Variants in HMCN1 observed in about 807,000 individuals in gnomAD.
HMCN1 encodes the protein hemicentin-1.
In HMCN1, 321 loss-of-function variants were observed where a neutral mutation model predicts 625.9. The ratio of observed to expected loss-of-function variants is 0.51; its 90% CI spans 0.47 to 0.56. The LOEUF (loss-of-function observed/expected upper bound fraction) is 0.56. Among genes scored for constraint, HMCN1 ranks in the 20% least tolerant of loss-of-function variants. The pLI, the probability that HMCN1 is intolerant of heterozygous loss-of-function variation, is 0.00. For synonymous variants in HMCN1, 2,425 were observed against 2,417.6 expected, an observed-to-expected ratio of 1.00 and a Z score of -0.09; for missense variants, 6,588 against 6,887.3, an observed-to-expected ratio of 0.96 and a Z score of 1.54.
chr1:186,146,926 C>T (rs1650351193), intron 93 of HMCN1, among the ~76,000 whole-genome samples: 1 of 152,180 alleles, frequency 6.6e-6, no homozygotes, highest in Non-Finnish European at 1.5e-5. Context: ...AGCACTGGGA[C>T]TCAAGTCCCT....
chr1:185,841,008 A>G (rs1182825407), intron 1 of HMCN1, among the ~76,000 whole-genome samples: 1 of 152,206 alleles, frequency 6.6e-6, no homozygotes, highest in Non-Finnish European at 1.5e-5. Flanking sequence ...CTGTAAGTGG[A>G]AAGGAAAAAG....
At chr1:185,987,348 T>C (rs1405057742) in intron 19 of HMCN1, 84 bp from the exon 20 acceptor site, 1 of 842,346 alleles carries the variant, frequency 1.2e-6, no homozygotes, top group African/African-American at 1.7e-5. Flanking sequence ...ACATTGATGT[T>C]GTAATGAAAA....
chr1:185,739,747 G>A (rs891170419), intron 1 of HMCN1, among the ~76,000 whole-genome samples: 4 of 151,796 alleles, frequency 2.6e-5, no homozygotes, highest in Non-Finnish European at 4.4e-5. Flanking sequence ...AGTGACACAG[G>A]CAAAAAAGAA....
chr1:185,762,468 T>G (rs1007288535), intron 1 of HMCN1, among the ~76,000 whole-genome samples: 3 of 152,196 alleles, frequency 2.0e-5, no homozygotes, highest in African/African-American at 4.8e-5. Context: ...GCTTGTGTTA[T>G]TTTAGCTTAA....
Position 185,923,478 on chromosome 1 carries a change from T to A in HMCN1, c.1110T>A (p.Ser370Arg). 1 of 1,610,656 alleles carries A rather than the reference T, an allele frequency of 6.2e-7. No homozygotes were observed. The highest frequency in any genetic ancestry group is 1.7e-5 in the Admixed American group (1 of 60,008). ...DLLELLSISGSSLKTIPVKYY... is the reference protein window; with the variant it reads ...DLLELLSISGRSLKTIPVKYY... ...TTGAACTTTTGAGTATCTCAGGAAGTTCTCTTAAGACTATTCCTGTTAAAT... is the reference window on the plus strand; with the variant it reads ...TTGAACTTTTGAGTATCTCAGGAAGATCTCTTAAGACTATTCCTGTTAAAT... Residue 370 changes from serine to arginine, a missense_variant, in exon 8 of 107, where the codon AGT becomes AGA. Ser to Arg is a moderately radical substitution (Grantham distance 110). Coordinates refer to ENST00000271588, the MANE Select transcript of HMCN1 (RefSeq NM_031935.3).
rs1209646557 is a variant in HMCN1 at position 186,153,768 on chromosome 1, A to G, written c.15037A>G (p.Ile5013Val). ...TCCTTAGGATTACACAGAGGACTAC[A>G]TTCAAACAGGTCCTGGGCAGCTGTA... ...VTVKDYTEDYIQTGPGQLYAY... is the reference protein window; with the variant it reads ...VTVKDYTEDYVQTGPGQLYAY... Residue 5013 changes from isoleucine to valine, a missense_variant, in exon 97 of 107, where the codon ATT becomes GTT. Ile to Val is a conservative substitution (Grantham distance 29). This residue lies in a region of HMCN1 where 1,954 missense variants were observed against 2,013.1 expected (regional missense o/e 0.97). Transcript: ENST00000271588. 6.2e-7 allele frequency: 1 copy of G among 1,614,102 alleles called. No individual in the cohort carries two copies. Among genetic ancestry groups the G allele is most frequent in the Non-Finnish European group, 8.5e-7 (1 of 1,179,978 alleles).
chr1:185,871,935 T>C (rs937455264), intron 4 of HMCN1, among the ~76,000 whole-genome samples: 2 of 152,192 alleles, frequency 1.3e-5, no homozygotes, highest in Non-Finnish European at 2.9e-5. Flanking sequence ...ATTTTGTTTT[T>C]CCCCATTCCT....
chr1:186,099,659 A>G (rs1660299778), intron 68 of HMCN1, among the ~76,000 whole-genome samples: 1 of 152,088 alleles, frequency 6.6e-6, no homozygotes, highest in Non-Finnish European at 1.5e-5. Flanking sequence ...ATTCTGTGGG[A>G]TGGTAGATTT....
rs780809105 is a variant in HMCN1 at position 186,137,601 on chromosome 1, C to G, written c.13686C>G (p.Ala4562=). ...GTCTGTGCAACCAGCCCCTTCCAGC[C>G]AATGGTGGGAAGCCCTGCCAAGGTT... is the stretch of plus-strand genomic sequence containing the variant. ...RSRLCNQPLP[A]NGGKPCQGSD... is the part of the protein sequence containing the mutation. Residue 4562 remains alanine (A), a synonymous_variant, in exon 88 of 107, where the codon GCC becomes GCG. Coordinates refer to ENST00000271588, the MANE Select transcript of HMCN1 (RefSeq NM_031935.3). The G allele has an allele frequency of 8.7e-6, 14 of 1,613,896 alleles. No individual in the cohort carries two copies. The highest frequency in any genetic ancestry group is 1.3e-5 in the African/African-American group (1 of 74,916).
intron 36 of HMCN1, among the ~76,000 whole-genome samples, chr1:186,030,443 C>T (rs756435827): frequency 4.1e-4 from 63 of 152,096 alleles, no homozygotes; most frequent in Middle Eastern, 6.8e-3. Context: ...TAAAGTCCTA[C>T]TTTGTTGCCA....
At chr1:186,179,444 G>A (rs1041592354) in intron 104 of HMCN1, among the ~76,000 whole-genome samples, 3 of 152,034 alleles carry the variant, frequency 2.0e-5, no homozygotes, top group African/African-American at 7.3e-5. Context: ...GTTTTCAGTC[G>A]AGTTGCAAAC....
At chr1:185,832,379 A>T (rs1323160500) in intron 1 of HMCN1, among the ~76,000 whole-genome samples, 1 of 152,182 alleles carries the variant, frequency 6.6e-6, no homozygotes, top group Non-Finnish European at 1.5e-5. Context: ...GGGAGTAATG[A>T]TGTGGGACTA....
chr1:186,050,163 TGAGAAAAAAAAGA>T lies in HMCN1; in HGVS notation c.6577+1334_6577+1346del, dbSNP rs562766871. Reference sequence around the variant, plus strand: ...TAGGCTAAGTGTTATCAAGTAAAGATGAGAAAAAAAAGAGAGAAAAAAGAAAAATTAGGAGTGA... The same window carrying T: ...TAGGCTAAGTGTTATCAAGTAAAGATGAGAAAAAAGAAAAATTAGGAGTGA... On this transcript the variant is annotated intron_variant, in intron 42 of 106. Coordinates refer to ENST00000271588, the MANE Select transcript of HMCN1 (RefSeq NM_031935.3). Among the ~76,000 whole-genome samples, 29 of 151,234 alleles carry T rather than the reference TGAGAAAAAAAAGA, an allele frequency of 1.9e-4. 1 individual carries two copies. In the South Asian group the frequency reaches 5.8e-3, roughly 30 times the overall value.
At chr1:186,144,369 T>G in intron 90 of HMCN1, 26 bp downstream of exon 90, 1 of 1,609,830 alleles carries the variant, frequency 6.2e-7, no homozygotes, top group East Asian at 2.2e-5. Flanking sequence ...TGTTTATACC[T>G]TAATAAATTA....
intron 14 of HMCN1, among the ~76,000 whole-genome samples, chr1:185,966,351 G>A (rs958703041): frequency 6.6e-6 from 1 of 152,150 alleles, no homozygotes; most frequent in African/African-American, 2.4e-5. Flanking sequence ...GAAGCTTACA[G>A]ATAGTTGAAA....
At chr1:186,092,887 A>ATAT (rs1204112577) in intron 64 of HMCN1, among the ~76,000 whole-genome samples, 1 of 152,094 alleles carries the variant, frequency 6.6e-6, no homozygotes, top group East Asian at 1.9e-4. Flanking sequence ...ATAACTAAGA[A>ATAT]TATAGTATTC....
intron 36 of HMCN1, among the ~76,000 whole-genome samples, chr1:186,035,174 T>C (rs943687425): frequency 1.3e-5 from 2 of 152,164 alleles, no homozygotes; most frequent in African/African-American, 4.8e-5. Context: ...ATTGTGTTGA[T>C]AATCAGAATT....
In HMCN1 at chr1:186,088,291, C is replaced by T; in HGVS notation, c.9577+15C>T. 1 of 1,612,078 alleles carries T rather than the reference C, an allele frequency of 6.2e-7. No individual in the cohort carries two copies. The highest frequency in any genetic ancestry group is 2.2e-5 in the East Asian group (1 of 44,814). On this transcript the variant is annotated intron_variant, in intron 62 of 106. Transcript: ENST00000271588. ...CAAGCGCATAGGTAAGGCAACCATG[C>T]ATTTTTGTGTGTGTGTGTGTTTTTT...
chr1:185,878,846 A>C (rs969765162), intron 4 of HMCN1, among the ~76,000 whole-genome samples: 2 of 152,146 alleles, frequency 1.3e-5, no homozygotes, highest in African/African-American at 4.8e-5. Context: ...TGTGCGGATG[A>C]TGTCCAAGTC....
Sources: allele counts gnomAD v4.1 joint callset (sites outside exome capture counted in the v4.1 genomes callset), GRCh38; gene constraint gnomAD v4.1.1; regional missense constraint gnomAD v4.1.1; transcripts MANE v1.5; gene names NCBI Gene and HGNC (gene_info 2026-07-23, HGNC 2026-07-21).